MYO1C: variants seen among roughly 807,000 people sequenced by gnomAD.
MYO1C encodes unconventional myosin-Ic.
In MYO1C, 104 loss-of-function variants were observed where a neutral mutation model predicts 150.8. The observed-to-expected ratio is 0.69, with a 90% CI of 0.59 to 0.81. MYO1C has a LOEUF of 0.81. MYO1C is among the 30% of genes least tolerant of loss of function. The pLI is 0.00. For missense variants in MYO1C, 1,504 were observed against 1,435.0 expected, an observed-to-expected ratio of 1.05 and a Z score of -0.78; for synonymous variants, 663 against 579.9, an observed-to-expected ratio of 1.14 and a Z score of -2.06.
At chr17:1,467,208 C>T (rs760810385) in intron 31 of MYO1C, 34 bp downstream of exon 31, 2 of 1,577,778 alleles carry the variant, frequency 1.3e-6, no homozygotes, top group Non-Finnish European at 1.7e-6. Context: ...GCTATCACAG[C>T]CAGGCCATAA....
At chr17:1,487,676 C>G (rs1448730684) in intron 1 of MYO1C, among the ~76,000 whole-genome samples, 1 of 152,018 alleles carries the variant, frequency 6.6e-6, no homozygotes, top group Non-Finnish European at 1.5e-5. Context: ...CCAGCGCTTT[C>G]GGAGGCCGAG....
Position 1,484,171 on chromosome 17 carries a change from G to A in MYO1C, c.208C>T (p.Arg70Ter), listed in dbSNP as rs750441447. The change falls in exon 2 of 32, where the codon CGA (arginine) becomes TGA (stop). Residue 70 changes from arginine to a stop codon, truncating the protein, a stop_gained. Transcript: ENST00000648651. LOFTEE classifies it high-confidence loss of function. The stretch of plus-strand genomic sequence containing the variant: ...ACGTAGATGAGATTCTCCCGAAATC[G>A]CCGCCGCAGGTTCTCGATGAAGGCG... ...EAAFIENLRR[R>*]FRENLIYTYI... 9.3e-6 allele frequency: 15 copies of A among 1,612,806 alleles called. No individual in the cohort carries two copies. Among genetic ancestry groups the A allele is most frequent in the East Asian group, 2.2e-5 (1 of 44,884 alleles).
intron 1 of MYO1C, chr17:1,491,453 C>A (rs968305173): frequency 1.2e-5 from 2 of 173,124 alleles, no homozygotes; most frequent in Non-Finnish European, 1.7e-5. Context: ...TGGGACCCCC[C>A]CCCCCCGCAC....
Position 1,469,308 on chromosome 17 carries a change from G to GTAAATACAGTAGACCGAGA in MYO1C, c.2610+204_2610+222dup, listed in dbSNP as rs963896402. On this transcript the variant is annotated intron_variant, in intron 25 of 31. Coordinates refer to ENST00000648651, the MANE Select transcript of MYO1C (RefSeq NM_001080779.2). Reference sequence around the variant, plus strand: ...GACTGGGGTAAATACGGTAGGTGGGGTAAATACAGTAGACCGAGATAAATA... The same window carrying GTAAATACAGTAGACCGAGA: ...GACTGGGGTAAATACGGTAGGTGGGGTAAATACAGTAGACCGAGATAAATACAGTAGACCGAGATAAATA... 236 of 586,104 alleles carry GTAAATACAGTAGACCGAGA rather than the reference G, an allele frequency of 4.0e-4. No individual in the cohort carries two copies. The East Asian group carries it at 4.3e-3, about 11-fold the overall frequency. 36.3% of individuals were successfully genotyped at this position (586,104 alleles called of 1,614,324 possible). A position where few individuals can be genotyped will look rare whatever the true frequency, so the allele number is the denominator to read the frequency against.
At position 1,467,905 on chromosome 17, in the gene MYO1C, A is replaced by T; in HGVS notation, c.2902T>A (p.Ser968Thr). The part of the protein sequence containing the change: ...RIDYANLTGI[S>T]VSSLSDSLFV... ...AGACTGTCGCTCAGGCTGCTGACAG[A>T]GATTCCTGAGGGGAGAGGGCAAAGG... The change falls in exon 29 of 32, where the codon TCT becomes ACT. Residue 968 changes from serine (S) to threonine (T), a missense_variant. By Grantham distance (58) the Ser-to-Thr change is moderately conservative (BLOSUM62 1). Transcript: ENST00000648651. 1 of 1,612,054 alleles carries T rather than the reference A, an allele frequency of 6.2e-7. No individual in the cohort carries two copies. Among genetic ancestry groups the T allele is most frequent in the South Asian group, 1.1e-5 (1 of 90,940 alleles).
intron 27 of MYO1C, 35 bp downstream of exon 27, chr17:1,468,218 T>C (rs1195941425): frequency 6.2e-7 from 1 of 1,612,300 alleles, no homozygotes; most frequent in Non-Finnish European, 8.5e-7. Flanking sequence ...AGTAGCACCG[T>C]GCTGCTGGAC....
chr17:1,476,560 A>G (rs1295296173), intron 14 of MYO1C, among the ~76,000 whole-genome samples: 1 of 152,220 alleles, frequency 6.6e-6, no homozygotes, highest in Non-Finnish European at 1.5e-5. Context: ...CAGCTCGGCA[A>G]CCCAGATGAG....
At chr17:1,467,060 T>A (rs2074187805) in intron 31 of MYO1C, among the ~76,000 whole-genome samples, 182 bp downstream of exon 31, 1 of 152,172 alleles carries the variant, frequency 6.6e-6, no homozygotes, top group Admixed American at 6.5e-5. Flanking sequence ...GCTGCCACCT[T>A]TACAACTTTC....
At chr17:1,492,311 TC>T in intron 1 of MYO1C, 101 bp downstream of exon 1, 1 of 1,193,434 alleles carries the variant, frequency 8.4e-7, no homozygotes, top group Non-Finnish European at 1.2e-6. Flanking sequence ...TCGGAACCCC[TC>T]CCCGCTGCTC....
Position 1,479,477 on chromosome 17 carries a change from A to G in MYO1C, c.1046T>C (p.Leu349Pro), listed in dbSNP as rs1314660093. 2 of 1,522,366 alleles carry G rather than the reference A, an allele frequency of 1.3e-6. No homozygotes were observed. Among genetic ancestry groups the G allele is most frequent in the Non-Finnish European group, 1.8e-6 (2 of 1,122,028 alleles). The allele number at this position is 1,522,366 out of a possible 1,614,324, so 94.3% of individuals were successfully genotyped here. Reference protein sequence around the residue: ...TRLLSVEGSTLREALTHRKII... With the variant: ...TRLLSVEGSTPREALTHRKII... ...CTTCCTGTGTGTCAGGGCTTCTCGCAGCGTCGAGCCTTCCACGCTGAGGAG... is the reference window on the plus strand; with the variant it reads ...CTTCCTGTGTGTCAGGGCTTCTCGCGGCGTCGAGCCTTCCACGCTGAGGAG... Residue 349 changes from leucine to proline, a missense_variant, in exon 9 of 32, where the codon CTG (leucine) becomes CCG (proline). Leu to Pro is a moderately conservative substitution (Grantham distance 98). Coordinates refer to ENST00000648651, the MANE Select transcript of MYO1C (RefSeq NM_001080779.2). The surrounding 1 kb of genome is among the most constrained non-coding windows in gnomAD (Gnocchi z 4.2).
In MYO1C at chr17:1,484,291, C is replaced by G; in HGVS notation, c.88G>C (p.Asp30His). 1 of 1,610,628 alleles carries G rather than the reference C, an allele frequency of 6.2e-7. No homozygotes were observed. Among genetic ancestry groups the G allele is most frequent in the South Asian group, 1.1e-5 (1 of 91,088 alleles). Residue 30 changes from aspartate (D) to histidine (H), a missense_variant, in exon 2 of 32, where the codon GAC (aspartate) becomes CAC (histidine). Physicochemically the swap from Asp to His is moderately conservative, Grantham distance 81. Coordinates refer to ENST00000648651, the MANE Select transcript of MYO1C (RefSeq NM_001080779.2). ...CTCTCCATGGTCACCCGAACCCCGT[C>G]ACTGCCCAGGGCCTGCAGAGAATGG... Reference protein sequence around the residue: ...HRPCKLALGSDGVRVTMESAL... With the variant: ...HRPCKLALGSHGVRVTMESAL...
At chr17:1,475,143 G>C in intron 14 of MYO1C, 111 bp from the exon 15 acceptor site, 1 of 1,063,046 alleles carries the variant, frequency 9.4e-7, no homozygotes, top group Non-Finnish European at 1.4e-6. Flanking sequence ...ACCCCAGGCC[G>C]GGCACAGTGG....
intron 1 of MYO1C, among the ~76,000 whole-genome samples, chr17:1,487,736 G>A (rs527515003): frequency 6.6e-6 from 1 of 152,318 alleles, no homozygotes; most frequent in East Asian, 1.9e-4. Flanking sequence ...TGACCAGCAT[G>A]GCGAAACCCC....
chr17:1,472,266 G>T, intron 17 of MYO1C, 38 bp from the exon 18 acceptor site: 2 of 1,583,988 alleles, frequency 1.3e-6, no homozygotes, highest in Non-Finnish European at 1.7e-6. Context: ...GGCCGGAGCT[G>T]GGCTAAAGCT....
At chr17:1,475,152 G>A in intron 14 of MYO1C, 120 bp from the exon 15 acceptor site, 3 of 961,304 alleles carry the variant, frequency 3.1e-6, no homozygotes, top group Non-Finnish European at 4.8e-6. Context: ...CGGGCACAGT[G>A]GCTCACGGCT....
chr17:1,471,445 G>A, intron 19 of MYO1C, 109 bp from the exon 20 acceptor site: 1 of 857,790 alleles, frequency 1.2e-6, no homozygotes, highest in Non-Finnish European at 1.9e-6. Context: ...CTCGTTCACA[G>A]CTAGCAGGAG....
chr17:1,481,585 CGAACTCCCG>C (rs1567530340), intron 5 of MYO1C, among the ~76,000 whole-genome samples: 2 of 151,950 alleles, frequency 1.3e-5, no homozygotes, highest in Admixed American at 6.6e-5. Context: ...ACTGCACCCT[CGAACTCCCG>C]GGTTCAAGCA....
At chr17:1,469,185 CGGTAGGCGGGGTAAATAT>C (rs1598321772) in intron 25 of MYO1C, 5 of 377,230 alleles carry the variant, frequency 1.3e-5, no homozygotes, top group South Asian at 1.1e-4. Flanking sequence ...GGGGTAAATA[CGGTAGGCGGGGTAAATAT>C]GGTAGGCAGG....
In MYO1C at chr17:1,485,207, T is replaced by G. The variant is rs989126464; in HGVS notation, c.76-904A>C. The G allele has an allele frequency of 5.9e-6, 7 of 1,180,590 alleles. No homozygotes were observed. In the African/African-American group the frequency reaches 9.7e-5, roughly 16 times the overall value. 73.1% of individuals were successfully genotyped at this position (1,180,590 alleles called of 1,614,324 possible). A position where few individuals can be genotyped will look rare whatever the true frequency, so the allele number is the denominator to read the frequency against. ...AAGACCCTCGCCCCACAACCAGGGC[T>G]GAGATGGATCCCTCTTCAAACAGGG... On this transcript the variant is annotated intron_variant, in intron 1 of 31. Transcript: ENST00000648651.
Sources: gnomAD v4.1 joint callset for allele counts (sites outside exome capture counted in the v4.1 genomes callset) on GRCh38, gnomAD v4.1.1 for gene constraint, Gnocchi (gnomAD v3.1) non-coding constraint, MANE v1.5 for transcripts, NCBI Gene and HGNC (gene_info 2026-07-23, HGNC 2026-07-21) for gene names.